Variants in CPN1 observed in about 807,000 individuals in gnomAD.
CPN1 encodes the protein carboxypeptidase N catalytic chain.
CPN1 carries 37 observed loss-of-function variants against 46.4 expected under a neutral mutation model. That is an observed-to-expected ratio of 0.80 (90% CI 0.61 to 1.05). The LOEUF (loss-of-function observed/expected upper bound fraction) is 1.05. Among genes scored for constraint, CPN1 ranks in the 50% least tolerant of loss-of-function variants. CPN1 has a pLI of 0.00. For synonymous variants in CPN1, 224 were observed against 235.4 expected (o/e 0.95, Z 0.44); for missense variants, 563 against 602.6 (o/e 0.93, Z 0.69).
chr10:100,042,640 G>A (rs1299548627), intron 8 of CPN1, 67 bp from the exon 9 acceptor site: 2 of 1,597,464 alleles, frequency 1.3e-6, no homozygotes, highest in Admixed American at 3.3e-5. Context: ...TCCAGTTTCT[G>A]AGGGCTGGGT....
chr10:100,076,045 T>A lies in CPN1; in HGVS notation c.286A>T (p.Met96Leu), dbSNP rs763317686. ...HGNEALGRELMLQLSEFLCEE... is the reference protein window; with the variant it reads ...HGNEALGRELLLQLSEFLCEE... The stretch of plus-strand genomic sequence containing the variant: ...CACAGAAACTCCGACAGCTGCAGCA[T>A]CAGCTCGCGGCCCAACGCTTCGTTG... Residue 96 changes from methionine (M) to leucine (L), a missense_variant, in exon 2 of 9, where the codon ATG (methionine) becomes TTG (leucine). Met to Leu is a conservative substitution (Grantham distance 15). Transcript: ENST00000370418. 6.2e-6 allele frequency: 10 copies of A among 1,614,196 alleles called. No individual in the cohort carries two copies. Among genetic ancestry groups the A allele is most frequent in the Non-Finnish European group, 8.5e-6 (10 of 1,180,042 alleles).
intron 8 of CPN1, among the ~76,000 whole-genome samples, chr10:100,046,464 C>G (rs1432495292): frequency 1.3e-5 from 2 of 151,916 alleles, no homozygotes; most frequent in Non-Finnish European, 2.9e-5. Flanking sequence ...ACAGAGAACC[C>G]GTCTCTACAA....
At chr10:100,063,533 TC>T (rs2041433484) in intron 5 of CPN1, 80 bp downstream of exon 5, 17 of 1,081,272 alleles carry the variant, frequency 1.6e-5, no homozygotes, top group Non-Finnish European at 2.2e-5. Context: ...TCCCATTGTT[TC>T]CCTGAGAAAA....
intron 6 of CPN1, among the ~76,000 whole-genome samples, chr10:100,056,020 G>A (rs1239972146): frequency 6.6e-6 from 1 of 152,190 alleles, no homozygotes; most frequent in Non-Finnish European, 1.5e-5. Context: ...ACCCAAAAGT[G>A]GCATTGCTGG....
chr10:100,066,134 T>C (rs1188961647), intron 3 of CPN1, among the ~76,000 whole-genome samples: 1 of 152,104 alleles, frequency 6.6e-6, no homozygotes, highest in African/African-American at 2.4e-5. Flanking sequence ...TTTTGTATTT[T>C]TTGTAGAGAT....
intron 4 of CPN1, 88 bp from the exon 5 acceptor site, chr10:100,063,813 GC>G: frequency 1.1e-6 from 1 of 935,246 alleles, no homozygotes; most frequent in Non-Finnish European, 1.8e-6. Context: ...AAGCCAAGAA[GC>G]CCTGCTGGGT....
intron 5 of CPN1, among the ~76,000 whole-genome samples, chr10:100,062,943 G>C (rs1034858721): frequency 2.6e-5 from 4 of 151,816 alleles, no homozygotes; most frequent in Non-Finnish European, 4.4e-5. Context: ...AGCACAGAGA[G>C]AATAAGTAAT....
At chr10:100,064,467 G>A (rs1037381360) in intron 4 of CPN1, among the ~76,000 whole-genome samples, 18 of 150,928 alleles carry the variant, frequency 1.2e-4, no homozygotes, top group Non-Finnish European at 1.5e-4. Flanking sequence ...TGCAACCTCC[G>A]CCTCCCAGCT....
intron 2 of CPN1, among the ~76,000 whole-genome samples, chr10:100,070,289 C>T (rs911651676): frequency 6.6e-5 from 10 of 151,800 alleles, no homozygotes. Context: ...CAAGATCAGC[C>T]TGGCCAAAAT....
Position 100,054,454 on chromosome 10 carries a change from A to T in CPN1, c.1012-8T>A. ...CTTGATGCCCTGGTGAACCTGCAGG[A>T]ACAAGTATATAGTTATGATCATAAA... is the stretch of plus-strand genomic sequence containing the variant. On this transcript the variant is annotated splice_polypyrimidine_tract_variant and splice_region_variant and intron_variant, in intron 6 of 8. Transcript: ENST00000370418. 3 of 1,602,922 alleles carry T rather than the reference A, an allele frequency of 1.9e-6. No individual in the cohort carries two copies. The highest frequency in any genetic ancestry group is 1.7e-6 in the Non-Finnish European group (2 of 1,169,838).
intron 1 of CPN1, 34 bp downstream of exon 1, chr10:100,081,369 C>T (rs2041543993): frequency 6.3e-7 from 1 of 1,582,848 alleles, no homozygotes; most frequent in Non-Finnish European, 8.6e-7. Flanking sequence ...AAAGGCCCTG[C>T]CCCACACACC....
At chr10:100,046,499 G>C (rs1327015976) in intron 8 of CPN1, among the ~76,000 whole-genome samples, 1 of 152,100 alleles carries the variant, frequency 6.6e-6, no homozygotes, top group Non-Finnish European at 1.5e-5. Context: ...TAGGCCAGGT[G>C]CAGTGGCTCA....
intron 8 of CPN1, among the ~76,000 whole-genome samples, chr10:100,046,364 T>C (rs543242319): frequency 2.4e-4 from 36 of 152,338 alleles, no homozygotes; most frequent in African/African-American, 8.7e-4. Flanking sequence ...CCCAGTGCTT[T>C]GGAAGGCCAA....
At chr10:100,050,214 C>G (rs1345200093) in intron 7 of CPN1, among the ~76,000 whole-genome samples, 2 of 152,072 alleles carry the variant, frequency 1.3e-5, no homozygotes, top group Non-Finnish European at 2.9e-5. Context: ...ATTAGCCAGG[C>G]GTGGTGGCAC....
In CPN1 at chr10:100,057,680, A is replaced by G. The variant is rs529947488; in HGVS notation, c.872-528T>C. Among the ~76,000 whole-genome samples, 4 of 152,234 alleles carry G rather than the reference A, an allele frequency of 2.6e-5. No individual in the cohort carries two copies. The East Asian group carries it at 7.7e-4, about 29-fold the overall frequency. On this transcript the variant is annotated intron_variant, in intron 5 of 8. Coordinates refer to ENST00000370418, the MANE Select transcript of CPN1 (RefSeq NM_001308.3). ...TAAATTTTCGTTCATTTTGGTTCTC[A>G]GGGCTTACTGTAGTTTTTTATTTTA...
At chr10:100,063,483 A>C in intron 5 of CPN1, 131 bp downstream of exon 5, 1 of 758,078 alleles carries the variant, frequency 1.3e-6, no homozygotes. Context: ...AGACTTCCTC[A>C]TTTTCCAGAT....
intron 3 of CPN1, among the ~76,000 whole-genome samples, chr10:100,068,901 C>A (rs935389722): frequency 6.6e-6 from 1 of 152,184 alleles, no homozygotes; most frequent in African/African-American, 2.4e-5. Context: ...AGACAGACGT[C>A]TCTATAGAAT....
intron 4 of CPN1, 120 bp downstream of exon 4, chr10:100,065,068 A>G (rs2041445313): frequency 8.2e-6 from 10 of 1,212,368 alleles, no homozygotes; most frequent in Non-Finnish European, 1.2e-5. Context: ...CCTCACAAAC[A>G]AGCGGTATTT....
rs74152964 is a variant in CPN1 at position 100,065,200 on chromosome 10, C to T, written c.747G>A (p.Lys249=). Residue 249 remains lysine, a synonymous_variant, in exon 4 of 9, where the codon AAG becomes AAA. Coordinates refer to ENST00000370418, the MANE Select transcript of CPN1 (RefSeq NM_001308.3). ...CTTCTCCACATACCTTCTGGAAGAG[C>T]TTGTCGTCAGGCGTGGGGGTGCTGG... ...RTASTPTPDD[K]LFQKLAKVYS... The T allele has an allele frequency of 1.9e-3, 3,132 of 1,613,268 alleles. 46 individuals are homozygous for T. In the African/African-American group the frequency reaches 0.037, roughly 19 times the overall value.
Sources: allele counts gnomAD v4.1 joint callset (sites outside exome capture counted in the v4.1 genomes callset), GRCh38; gene constraint gnomAD v4.1.1; transcripts MANE v1.5; gene names NCBI Gene and HGNC (gene_info 2026-07-23, HGNC 2026-07-21).